The following GPC6 variants were observed in gnomAD, a reference collection of about 807,000 sequenced individuals.
The protein encoded by GPC6 is glypican-6.
A neutral mutation model predicts 55.2 loss-of-function variants in GPC6; 14 were observed. That is an observed-to-expected ratio of 0.25 (90% CI 0.17 to 0.40). The LOEUF (loss-of-function observed/expected upper bound fraction) is 0.40. Among genes scored for constraint, GPC6 ranks in the 10% least tolerant of loss-of-function variants. GPC6 has a pLI of 1.00. For missense variants in GPC6, 641 were observed against 708.5 expected, an observed-to-expected ratio of 0.90 and a Z score of 1.08; for synonymous variants, 278 against 259.6, an observed-to-expected ratio of 1.07 and a Z score of -0.68.
intron 6 of GPC6, among the ~76,000 whole-genome samples, chr13:94,353,335 GA>G (rs1566710435): frequency 6.6e-6 from 1 of 152,006 alleles, no homozygotes; most frequent in Middle Eastern, 3.2e-3. Flanking sequence ...AATTTTTTTA[GA>G]ATTCAATGTT....
intron 6 of GPC6, among the ~76,000 whole-genome samples, chr13:94,347,378 G>A (rs1170512723): frequency 1.3e-5 from 2 of 152,074 alleles, no homozygotes; most frequent in African/African-American, 2.4e-5. Context: ...TGTCCTGAAA[G>A]CTCCCCTAGT....
At chr13:93,417,701 C>T (rs1327859841) in intron 1 of GPC6, among the ~76,000 whole-genome samples, 2 of 152,084 alleles carry the variant, frequency 1.3e-5, no homozygotes, top group Non-Finnish European at 1.5e-5. Context: ...TTTGAATTTA[C>T]AAAACTGTTG....
intron 2 of GPC6, among the ~76,000 whole-genome samples, chr13:93,665,933 C>T (rs9524163): frequency 0.48 from 73,063 of 151,984 alleles, 20,007 homozygotes; most frequent in Middle Eastern, 0.74. Flanking sequence ...TATTGAAAAC[C>T]TACTAAGTCC....
chr13:94,248,723 C>T (rs192917772), intron 4 of GPC6, among the ~76,000 whole-genome samples: 6 of 151,706 alleles, frequency 4.0e-5, no homozygotes, highest in Admixed American at 3.9e-4. Context: ...TGACTCAAAA[C>T]CCCCAAAGTA....
chr13:93,287,618 A>T (rs1203980452), intron 1 of GPC6, among the ~76,000 whole-genome samples: 1 of 152,236 alleles, frequency 6.6e-6, no homozygotes, highest in African/African-American at 2.4e-5. Flanking sequence ...AATGTAGCAC[A>T]TATTGCATTT....
intron 4 of GPC6, among the ~76,000 whole-genome samples, chr13:94,249,224 A>G (rs897569840): frequency 4.6e-5 from 7 of 152,130 alleles, no homozygotes; most frequent in Non-Finnish European, 8.8e-5. Context: ...CTAATTTTCT[A>G]TCCTATCGAT....
intron 1 of GPC6, among the ~76,000 whole-genome samples, chr13:93,473,635 T>A (rs16948838): frequency 6.6e-6 from 1 of 152,174 alleles, no homozygotes; most frequent in Non-Finnish European, 1.5e-5. Flanking sequence ...ACAGCCTGAT[T>A]TGGGGACTTC....
intron 3 of GPC6, among the ~76,000 whole-genome samples, chr13:93,923,103 C>T (rs1877659473): frequency 6.6e-6 from 1 of 152,132 alleles, no homozygotes; most frequent in Non-Finnish European, 1.5e-5. Context: ...AACTAGTTTT[C>T]CTTTTGAACA....
chr13:94,251,923 A>G (rs1018008002), intron 4 of GPC6, among the ~76,000 whole-genome samples: 4 of 152,062 alleles, frequency 2.6e-5, no homozygotes, highest in African/African-American at 9.7e-5. Flanking sequence ...AGCTAGGTCT[A>G]CATCACAGCT....
In GPC6 at chr13:93,466,569, T is replaced by C. The variant is rs1189632880; in HGVS notation, c.161-78694T>C. 2.0e-5 allele frequency among the ~76,000 whole-genome samples: 3 copies of C among 152,210 alleles called. No individual in the cohort carries two copies. In the East Asian group the frequency reaches 5.8e-4, roughly 29 times the overall value. The stretch of plus-strand genomic sequence containing the variant: ...CAGAAGAGTTAATTTAAAAAAATAG[T>C]ATATTTTGGCTTTCCAGTGGTTTTA... On this transcript the variant is annotated intron_variant, in intron 1 of 8. Coordinates refer to ENST00000377047, the MANE Select transcript of GPC6 (RefSeq NM_005708.5).
chr13:93,504,876 G>T (rs1440170540), intron 1 of GPC6, among the ~76,000 whole-genome samples: 1 of 152,100 alleles, frequency 6.6e-6, no homozygotes, highest in Non-Finnish European at 1.5e-5. Flanking sequence ...ATTTGTTCCT[G>T]TTCATATTAC....
chr13:93,751,325 G>T (rs76090451), intron 2 of GPC6, among the ~76,000 whole-genome samples: 1,602 of 151,960 alleles, frequency 0.011, 15 homozygotes, highest in Middle Eastern at 0.054. Flanking sequence ...ATACTTCATT[G>T]TGTTAGTCAT....
At chr13:93,235,716 TGA>T (rs1207092300) in intron 1 of GPC6, among the ~76,000 whole-genome samples, 1 of 152,198 alleles carries the variant, frequency 6.6e-6, no homozygotes, top group Non-Finnish European at 1.5e-5. Context: ...GATGAGCTGT[TGA>T]AACTCTCAAC....
chr13:94,254,554 A>G (rs2139042049), intron 4 of GPC6, among the ~76,000 whole-genome samples: 1 of 152,258 alleles, frequency 6.6e-6, no homozygotes, highest in African/African-American at 2.4e-5. Flanking sequence ...AAATAATAAA[A>G]GTGTAATAAC....
chr13:93,309,217 C>A (rs1338027048), intron 1 of GPC6, among the ~76,000 whole-genome samples: 2 of 151,966 alleles, frequency 1.3e-5, no homozygotes, highest in African/African-American at 4.8e-5. Flanking sequence ...TTTAAAGGTT[C>A]TTGATATAAC....
intron 1 of GPC6, among the ~76,000 whole-genome samples, chr13:93,389,622 G>T (rs1875541524): frequency 6.6e-6 from 1 of 150,738 alleles, no homozygotes; most frequent in South Asian, 2.1e-4. Flanking sequence ...TATACACACA[G>T]AATGTATGTA....
chr13:93,640,659 A>AT (rs908859452), intron 2 of GPC6, among the ~76,000 whole-genome samples: 4 of 151,320 alleles, frequency 2.6e-5, no homozygotes, highest in Non-Finnish European at 4.4e-5. Flanking sequence ...CCAAGCAAAT[A>AT]TTTTTTTTCT....
At chr13:93,952,794 T>C (rs1199727164) in intron 3 of GPC6, among the ~76,000 whole-genome samples, 1 of 148,708 alleles carries the variant, frequency 6.7e-6, no homozygotes. Context: ...TATATGTGTA[T>C]TGAGATATAG....
At chr13:94,213,774 A>G (rs1890152255) in intron 4 of GPC6, among the ~76,000 whole-genome samples, 1 of 152,168 alleles carries the variant, frequency 6.6e-6, no homozygotes, top group South Asian at 2.1e-4. Flanking sequence ...CATTGGCTAG[A>G]TCAATTCACA....
Sources: gnomAD v4.1 joint callset for allele counts (sites outside exome capture counted in the v4.1 genomes callset) on GRCh38, gnomAD v4.1.1 for gene constraint, MANE v1.5 for transcripts, NCBI Gene and HGNC (gene_info 2026-07-23, HGNC 2026-07-21) for gene names.